The following KCNN3 variants were observed in gnomAD, a reference collection of about 807,000 sequenced individuals.
The protein encoded by KCNN3 is potassium calcium-activated channel subfamily N member 3.
KCNN3 carries 16 observed loss-of-function variants against 62.9 expected under a neutral mutation model. The ratio of observed to expected loss-of-function variants is 0.25; its 90% CI spans 0.17 to 0.39. KCNN3 has a LOEUF of 0.39. KCNN3 is among the 10% of genes least tolerant of loss of function. The pLI is 1.00. For missense variants in KCNN3, 599 were observed against 949.4 expected (o/e 0.63, Z 4.85); for synonymous variants, 370 against 389.2 (o/e 0.95, Z 0.58).
chr1:154,739,364 G>A (rs1228614610), intron 3 of KCNN3, among the ~76,000 whole-genome samples: 1 of 152,138 alleles, frequency 6.6e-6, no homozygotes, highest in African/African-American at 2.4e-5. Context: ...GGATCTACTT[G>A]TATGTTCTCT....
At chr1:154,846,516 A>G (rs1006219019) in intron 1 of KCNN3, among the ~76,000 whole-genome samples, 5 of 152,214 alleles carry the variant, frequency 3.3e-5, no homozygotes, top group Admixed American at 3.3e-4. Context: ...GTACACAGCA[A>G]TAACAAAAAC....
intron 4 of KCNN3, among the ~76,000 whole-genome samples, chr1:154,731,711 G>A (rs1700596687): frequency 6.6e-6 from 1 of 152,082 alleles, no homozygotes; most frequent in Admixed American, 6.5e-5. Context: ...TGCAAGGAAG[G>A]ATTTTCACAA....
chr1:154,778,482 C>T (rs934120601), intron 2 of KCNN3, among the ~76,000 whole-genome samples: 2 of 152,162 alleles, frequency 1.3e-5, no homozygotes, highest in African/African-American at 2.4e-5. Flanking sequence ...ATCAGACACA[C>T]CAGAGGGGGC....
chr1:154,723,027 G>T (rs572181262), intron 5 of KCNN3, among the ~76,000 whole-genome samples: 34 of 152,270 alleles, frequency 2.2e-4, no homozygotes, highest in African/African-American at 7.7e-4. Context: ...ACCGCACCCG[G>T]CTGCTTAGCA....
At chr1:154,826,086 C>CA (rs1557995426) in intron 1 of KCNN3, among the ~76,000 whole-genome samples, 8 of 116,400 alleles carry the variant, frequency 6.9e-5, no homozygotes, top group African/African-American at 2.4e-4. Context: ...AAAACAAAAA[C>CA]AAAAAAAACC....
intron 1 of KCNN3, among the ~76,000 whole-genome samples, chr1:154,822,641 G>A (rs530771159): frequency 8.0e-4 from 122 of 152,308 alleles, no homozygotes; most frequent in African/African-American, 2.8e-3. Context: ...AGAGGATTTC[G>A]GAGGCAGAAT....
chr1:154,826,571 C>A (rs552215527), intron 1 of KCNN3, among the ~76,000 whole-genome samples: 1 of 151,462 alleles, frequency 6.6e-6, no homozygotes, highest in South Asian at 2.1e-4. Flanking sequence ...TGTCCCAGCA[C>A]CCCACCTGCT....
Position 154,705,869 on chromosome 1 carries a change from T to G in KCNN3, c.*2107A>C, listed in dbSNP as rs1699957195. ...TGGTCTTCACTTTGTGAAATGGAAC[T>G]AATGCCACAAGGAAACTGCATGGTT... On this transcript the variant is annotated 3_prime_UTR_variant, in exon 8 of 8. Transcript: ENST00000271915. 1 of 152,196 alleles carries G rather than the reference T, an allele frequency of 6.6e-6. No homozygotes were observed. Among genetic ancestry groups the G allele is most frequent in the Non-Finnish European group, 1.5e-5 (1 of 68,038 alleles). 9.4% of individuals were successfully genotyped at this position (152,196 alleles called of 1,614,324 possible). A position where few individuals can be genotyped will look rare whatever the true frequency, so the allele number is the denominator to read the frequency against.
chr1:154,826,103 C>T (rs1452162484), intron 1 of KCNN3, among the ~76,000 whole-genome samples: 1 of 148,684 alleles, frequency 6.7e-6, no homozygotes, highest in South Asian at 2.1e-4. Flanking sequence ...AACCAAAAAA[C>T]ACTTCTGCAG....
intron 6 of KCNN3, 35 bp from the exon 7 acceptor site, chr1:154,713,568 A>G: frequency 1.3e-6 from 2 of 1,573,864 alleles, no homozygotes. Context: ...AAGCCCTTCA[A>G]GTCCATGCAA....
rs751832980 is a variant in KCNN3 at position 154,869,680 on chromosome 1, G to A, written c.285C>T (p.Pro95=). Residue 95 remains proline (P), a synonymous_variant, in exon 1 of 8, where the codon CCC becomes CCT. Coordinates refer to ENST00000271915, the MANE Select transcript of KCNN3 (RefSeq NM_002249.6). This position sits in a 1 kb window ranked among gnomAD's most constrained non-coding sequence, Gnocchi z 6.1. ...LSQLAQLQSQ[P]VHPGLLHSSP... ...AGGAGTGCAGCAGGCCAGGGTGGAC[G>A]GGCTGGCTCTGGAGTTGGGCGAGCT... 58 of 1,598,020 alleles carry A rather than the reference G, an allele frequency of 3.6e-5. No homozygotes were observed. The highest frequency in any genetic ancestry group is 4.3e-5 in the Non-Finnish European group (50 of 1,172,280).
intron 1 of KCNN3, among the ~76,000 whole-genome samples, chr1:154,829,740 A>T (rs1447955272): frequency 6.6e-6 from 1 of 152,200 alleles, no homozygotes; most frequent in African/African-American, 2.4e-5. Flanking sequence ...AACGGGGTCC[A>T]TATACCCACC....
rs1699769621 is a variant in KCNN3 at position 154,697,764 on chromosome 1, G to A, written c.*10212C>T. ...CATCCTGGATCTTACAAATCCAATG[G>A]TGGCCAGCAGTAGAACTGAAGCCTG... On this transcript the variant is annotated 3_prime_UTR_variant, in exon 8 of 8. Transcript: ENST00000271915. 2 of 152,200 alleles carry A rather than the reference G, an allele frequency of 1.3e-5. No homozygotes were observed. Among genetic ancestry groups the A allele is most frequent in the South Asian group, 2.1e-4 (1 of 4,828 alleles). The allele number at this position is 152,200 out of a possible 1,614,324, so 9.4% of individuals were successfully genotyped here. A position where few individuals can be genotyped will look rare whatever the true frequency, so the allele number is the denominator to read the frequency against.
At position 154,701,928 on chromosome 1, in the gene KCNN3, T is replaced by C. The variant is rs1304041573; in HGVS notation, c.*6048A>G. 6.6e-6 allele frequency: 1 copy of C among 152,238 alleles called. No homozygotes were observed. Among genetic ancestry groups the C allele is most frequent in the African/African-American group, 2.4e-5 (1 of 41,460 alleles). 9.4% of individuals were successfully genotyped at this position (152,238 alleles called of 1,614,324 possible). A position where few individuals can be genotyped will look rare whatever the true frequency, so the allele number is the denominator to read the frequency against. On this transcript the variant is annotated 3_prime_UTR_variant, in exon 8 of 8. Transcript: ENST00000271915. ...TCTGACATTGTCAAAGGAAAACTGG[T>C]TGGCTAGGTTTGAGACTTATATAAT... is the stretch of plus-strand genomic sequence containing the variant.
rs755673750 is a variant in KCNN3 at position 154,822,073 on chromosome 1, A to AG, written c.1029+15dup. On this transcript the variant is annotated intron_variant, in intron 2 of 7. Coordinates refer to ENST00000271915, the MANE Select transcript of KCNN3 (RefSeq NM_002249.6). ...GGATCAGCCGCTGCATGAAGGGGTG[A>AG]GGTGGGGGCACCTACCTGGACTTCA... The AG allele has an allele frequency of 3.7e-5, 59 of 1,591,986 alleles. No individual in the cohort carries two copies. The highest frequency in any genetic ancestry group is 1.5e-4 in the Admixed American group (9 of 59,944).
At chr1:154,817,430 TG>T (rs1039816193) in intron 2 of KCNN3, among the ~76,000 whole-genome samples, 1 of 152,212 alleles carries the variant, frequency 6.6e-6, no homozygotes, top group African/African-American at 2.4e-5. Context: ...TTCCCGAAAC[TG>T]GGTTAATCGG....
chr1:154,727,132 G>A (rs977156871), intron 4 of KCNN3, among the ~76,000 whole-genome samples: 7 of 152,214 alleles, frequency 4.6e-5, no homozygotes, highest in Admixed American at 6.5e-5. Flanking sequence ...GCGGACTCCC[G>A]TCAGAGACCA....
intron 1 of KCNN3, among the ~76,000 whole-genome samples, chr1:154,868,587 G>A (rs544702960): frequency 1.3e-5 from 2 of 150,438 alleles, no homozygotes; most frequent in African/African-American, 2.5e-5. Context: ...AGGGGAAGTC[G>A]CAGGAACTGG....
At chr1:154,849,632 C>T (rs1652226827) in intron 1 of KCNN3, among the ~76,000 whole-genome samples, 1 of 152,212 alleles carries the variant, frequency 6.6e-6, no homozygotes, top group Non-Finnish European at 1.5e-5. Flanking sequence ...CTGCTGACTC[C>T]TGGACCAGGC....
Sources: gnomAD v4.1 joint callset for allele counts (sites outside exome capture counted in the v4.1 genomes callset) on GRCh38, gnomAD v4.1.1 for gene constraint, Gnocchi (gnomAD v3.1) non-coding constraint, MANE v1.5 for transcripts, NCBI Gene and HGNC (gene_info 2026-07-23, HGNC 2026-07-21) for gene names.